The following DMD variants were observed in gnomAD, a reference collection of about 807,000 sequenced individuals.
DMD encodes dystrophin.
DMD carries 63 observed loss-of-function variants against 330.1 expected under a neutral mutation model. The ratio of observed to expected loss-of-function variants is 0.19; its 90% CI spans 0.16 to 0.24. The LOEUF is 0.24. DMD is among the 10% of genes least tolerant of loss of function. The pLI is 1.00. For synonymous variants in DMD, 1,223 were observed against 959.8 expected (o/e 1.27, Z -5.07); for missense variants, 3,344 against 2,684.1 (o/e 1.25, Z -5.43).
intron 60 of DMD, among the ~76,000 whole-genome samples, chrX:31,392,005 C>G (rs1342820187): frequency 1.0e-5 from 1 of 95,944 alleles, no homozygotes; most frequent in Non-Finnish European, 2.2e-5. Context: ...CCTTTTTTCT[C>G]TAGTGATTAT....
intron 62 of DMD, among the ~76,000 whole-genome samples, chrX:31,284,904 TCTC>T (rs1196635836): frequency 9.2e-6 from 1 of 109,122 alleles, no homozygotes; most frequent in Non-Finnish European, 1.9e-5. Context: ...TTTTTATCAC[TCTC>T]CTCCTGTCCC....
intron 60 of DMD, among the ~76,000 whole-genome samples, chrX:31,427,304 C>G (rs899308184): frequency 9.0e-6 from 1 of 111,186 alleles, no homozygotes; most frequent in Non-Finnish European, 1.9e-5. Context: ...ACTCATTGCT[C>G]GAGTCTAAGC....
chrX:32,508,938 G>A (rs1017477520), intron 18 of DMD, among the ~76,000 whole-genome samples: 1 of 110,152 alleles, frequency 9.1e-6, no homozygotes. Context: ...AGCCTCCTGA[G>A]TAGCTGGGAC....
At chrX:31,201,092 G>A in intron 67 of DMD, among the ~76,000 whole-genome samples, 1 of 110,063 alleles carries the variant, frequency 9.1e-6, no homozygotes, top group Non-Finnish European at 1.9e-5. Flanking sequence ...TTGGGAGGCT[G>A]AGGTGGGTGG....
chrX:32,226,320 G>A (rs1761583100), intron 43 of DMD, among the ~76,000 whole-genome samples: 1 of 111,614 alleles, frequency 9.0e-6, no homozygotes, highest in Non-Finnish European at 1.9e-5. Flanking sequence ...GCCTTTTGCT[G>A]TATTTTAGAA....
intron 41 of DMD, among the ~76,000 whole-genome samples, chrX:32,328,039 TAG>T (rs780672356): frequency 8.9e-6 from 1 of 111,877 alleles, no homozygotes; most frequent in Non-Finnish European, 1.9e-5. Context: ...TGATGAACGT[TAG>T]AGTCTTTTGT....
intron 2 of DMD, among the ~76,000 whole-genome samples, chrX:32,967,577 C>A (rs1161488381): frequency 9.0e-6 from 1 of 111,122 alleles, no homozygotes; most frequent in Non-Finnish European, 1.9e-5. Flanking sequence ...TAGCCTTCCC[C>A]GCAGTGGCAA....
chrX:31,158,631 G>A (rs900445671), intron 74 of DMD, among the ~76,000 whole-genome samples: 1 of 111,413 alleles, frequency 9.0e-6, no homozygotes, highest in Admixed American at 9.5e-5. Flanking sequence ...ACTGTAAATG[G>A]GTAACTCCTA....
intron 15 of DMD, among the ~76,000 whole-genome samples, chrX:32,568,817 A>T (rs2052059847): frequency 8.9e-6 from 1 of 111,777 alleles, no homozygotes; most frequent in Non-Finnish European, 1.9e-5. Flanking sequence ...GGCCAGATAC[A>T]TTAGATCATA....
chrX:31,249,806 G>A (rs1319725639), intron 63 of DMD, among the ~76,000 whole-genome samples: 1 of 110,607 alleles, frequency 9.0e-6, no homozygotes, highest in East Asian at 2.8e-4. Context: ...AATAAGGAGA[G>A]ACACTGGTAT....
At chrX:33,320,123 C>A (rs917712006) in intron 1 of DMD, among the ~76,000 whole-genome samples, 1 of 111,544 alleles carries the variant, frequency 9.0e-6, no homozygotes, top group Non-Finnish European at 1.9e-5. Flanking sequence ...CCATATTACT[C>A]ATTTATAAAA....
rs755725553 is a variant in DMD at position 33,242,684 on chromosome X, C to T, written c.7+96575G>A. Among the ~76,000 whole-genome samples the T allele has an allele frequency of 1.6e-4, 18 of 111,827 alleles. No individual in the cohort carries two copies. The South Asian group carries it at 6.7e-3, about 42-fold the overall frequency. ...GGAATCTCCACACTGTTTTCCATAG[C>T]GGTTGTATACTAGTCTACATCCCCA... On this transcript the variant is annotated intron_variant, in intron 1 of 17. Coordinates refer to the DMD transcript ENST00000288447.
chrX:31,712,992 G>T (rs73617101), intron 52 of DMD, among the ~76,000 whole-genome samples: 2,296 of 111,032 alleles, frequency 0.021, 69 homozygotes, highest in African/African-American at 0.071. Context: ...TTACTACCTG[G>T]GGTAGTGGGC....
rs1345040755 is a variant in DMD at position 33,300,689 on chromosome X, C to T, written c.7+38570G>A. Among the ~76,000 whole-genome samples, 21 of 111,447 alleles carry T rather than the reference C, an allele frequency of 1.9e-4. No homozygotes were observed. In the Admixed American group the frequency reaches 2.0e-3, roughly 11 times the overall value. On this transcript the variant is annotated intron_variant, in intron 1 of 17. Transcript: ENST00000288447. ...TGGAAGCTCAGTGAGCGTGCCTGCA[C>T]CTTGACCTTGAACTTCCCCGCCTCC...
chrX:31,696,688 T>C (rs2083468744), intron 52 of DMD, among the ~76,000 whole-genome samples: 2 of 112,390 alleles, frequency 1.8e-5, no homozygotes, highest in Admixed American at 1.9e-4. Context: ...CTTTGGACAA[T>C]TCATCTTTTT....
intron 45 of DMD, among the ~76,000 whole-genome samples, chrX:31,951,142 T>TAC (rs1247721326): frequency 1.5e-5 from 1 of 66,662 alleles, no homozygotes; most frequent in African/African-American, 7.1e-5. Flanking sequence ...TATATATATG[T>TAC]GTATATATAT....
chrX:33,211,048 T>G (rs2051878382), intron 1 of DMD, among the ~76,000 whole-genome samples: 1 of 112,052 alleles, frequency 8.9e-6, no homozygotes, highest in South Asian at 3.7e-4. Flanking sequence ...CAAGAAATCA[T>G]GTGTTTAGTT....
chrX:32,310,132 G>A lies in DMD; in HGVS notation c.6067C>T (p.Leu2023Phe), dbSNP rs869312948. Residue 2023 changes from leucine (L) to phenylalanine (F), a missense_variant, in exon 42 of 79, where the codon CTC becomes TTC. By Grantham distance (22) the Leu-to-Phe change is conservative (BLOSUM62 0). Coordinates refer to ENST00000357033, the MANE Select transcript of DMD (RefSeq NM_004006.3). ...EVEQLLNAPD[L>F]CAKDFEDLFK... is the part of the protein sequence containing the mutation. ...AGATCTTCAAAGTCCTTAGCACAGA[G>A]GTCAGGAGCATTGAGAAGTTGTTCC... The A allele has an allele frequency of 1.7e-6, 2 of 1,207,788 alleles. No individual in the cohort carries two copies. The highest frequency in any genetic ancestry group is 1.8e-5 in the South Asian group (1 of 56,814).
rs181604162 is a variant in DMD at position 33,033,289 on chromosome X, G to A, written c.32-13089C>T. Among the ~76,000 whole-genome samples, 4 of 109,797 alleles carry A rather than the reference G, an allele frequency of 3.6e-5. No individual in the cohort carries two copies. In the East Asian group the frequency reaches 1.1e-3, roughly 31 times the overall value. On this transcript the variant is annotated intron_variant, in intron 1 of 78. Transcript: ENST00000357033. ...TGGATTAAAAAAGGTATTTATTTCTGTACTAAGATCGGTGACAGGACTACA... is the reference window on the plus strand; with the variant it reads ...TGGATTAAAAAAGGTATTTATTTCTATACTAAGATCGGTGACAGGACTACA...
Sources: allele counts gnomAD v4.1 joint callset (sites outside exome capture counted in the v4.1 genomes callset), GRCh38; gene constraint gnomAD v4.1.1; transcripts MANE v1.5; gene names NCBI Gene and HGNC (gene_info 2026-07-23, HGNC 2026-07-21).